ZFHX3: variants seen among roughly 807,000 people sequenced by gnomAD.
The protein encoded by ZFHX3 is zinc finger homeobox 3.
Under a neutral mutation model 279.1 loss-of-function variants are expected in ZFHX3, and 42 were observed. That is an observed-to-expected ratio of 0.15 (90% CI 0.12 to 0.19). The LOEUF (loss-of-function observed/expected upper bound fraction) is 0.19. Ranked by LOEUF, ZFHX3 falls within the 10% of genes least tolerant of loss-of-function variation. The probability of loss-of-function intolerance (pLI) is 1.00; values close to 1 mark genes in which losing one functional copy is unlikely to be tolerated. For missense variants in ZFHX3, 4,981 were observed against 4,754.0 expected (o/e 1.05, Z -1.40); for synonymous variants, 2,293 against 1,957.8 (o/e 1.17, Z -4.52).
intron 1 of ZFHX3, among the ~76,000 whole-genome samples, chr16:73,849,756 G>A (rs752619805): frequency 5.3e-5 from 8 of 152,060 alleles, no homozygotes; most frequent in Admixed American, 1.3e-4. Context: ...TTTTTGAGAC[G>A]GACTCTCGCT....
At chr16:73,376,382 A>G (rs2016723627) in intron 3 of ZFHX3, among the ~76,000 whole-genome samples, 1 of 152,096 alleles carries the variant, frequency 6.6e-6, no homozygotes, top group African/African-American at 2.4e-5. Flanking sequence ...GTTCTGGACC[A>G]TTTTCTCTCT....
chr16:73,150,766 T>A (rs1016651885), intron 5 of ZFHX3, among the ~76,000 whole-genome samples: 6 of 152,234 alleles, frequency 3.9e-5, no homozygotes, highest in Admixed American at 1.3e-4. Flanking sequence ...CCTGTATACA[T>A]CTTTGTATCT....
chr16:72,852,931 A>G (rs935795769), intron 4 of ZFHX3, among the ~76,000 whole-genome samples: 10 of 152,198 alleles, frequency 6.6e-5, no homozygotes, highest in African/African-American at 2.4e-4. Context: ...TCTGGATCCA[A>G]CTGGACAAGT....
At chr16:73,555,595 C>G (rs577317535) in intron 2 of ZFHX3, among the ~76,000 whole-genome samples, 32 of 152,024 alleles carry the variant, frequency 2.1e-4, no homozygotes, top group African/African-American at 6.5e-4. Context: ...CTTTGGTAGG[C>G]CAAGATGGGT....
chr16:72,793,125 G>A lies in ZFHX3; in HGVS notation c.9427+130C>T, dbSNP rs780676175. The A allele has an allele frequency of 4.4e-5, 64 of 1,463,016 alleles. No homozygotes were observed. Among genetic ancestry groups the A allele is most frequent in the Non-Finnish European group, 5.7e-5 (62 of 1,097,266 alleles). The allele number at this position is 1,463,016 out of a possible 1,614,324, so 90.6% of individuals were successfully genotyped here. On this transcript the variant is annotated intron_variant, in intron 9 of 9. Coordinates refer to ENST00000268489, the MANE Select transcript of ZFHX3 (RefSeq NM_006885.4). This position sits in a 1 kb window ranked among gnomAD's most constrained non-coding sequence, Gnocchi z 4.3. ...AACAGGAACGAACTGAAGTCTTGTTGCTTTTAAAGAACTAGAAAGGTAAGC... is the reference window on the plus strand; with the variant it reads ...AACAGGAACGAACTGAAGTCTTGTTACTTTTAAAGAACTAGAAAGGTAAGC...
In ZFHX3 at chr16:72,968,185, G is replaced by A. The variant is rs114163365; in HGVS notation, c.-49-7991C>T. 3.3e-3 allele frequency among the ~76,000 whole-genome samples: 507 copies of A among 151,632 alleles called. 2 individuals carry two copies. Among genetic ancestry groups the A allele is most frequent in the African/African-American group, 0.012 (491 of 41,306 alleles). On this transcript the variant is annotated intron_variant, in intron 1 of 9. Coordinates refer to ENST00000268489, the MANE Select transcript of ZFHX3 (RefSeq NM_006885.4). ...CTTCCCTGGTGTTCCTGTCAAAAAC[G>A]CACAACCGGAATCTAATCATGAGGG...
At chr16:73,422,902 G>C (rs556158386) in intron 3 of ZFHX3, among the ~76,000 whole-genome samples, 1 of 152,310 alleles carries the variant, frequency 6.6e-6, no homozygotes, top group African/African-American at 2.4e-5. Context: ...GAGAAAGAAG[G>C]CTACAGGTTC....
intron 2 of ZFHX3, among the ~76,000 whole-genome samples, chr16:73,471,630 T>C (rs886545477): frequency 6.6e-6 from 1 of 152,140 alleles, no homozygotes; most frequent in Non-Finnish European, 1.5e-5. Context: ...TCACTGCACA[T>C]CCAACTGACT....
chr16:73,584,587 T>C (rs1471885872), intron 2 of ZFHX3, among the ~76,000 whole-genome samples: 2 of 152,208 alleles, frequency 1.3e-5, no homozygotes, highest in African/African-American at 4.8e-5. Flanking sequence ...AGGGCATTAC[T>C]AAAGGAAAGT....
intron 1 of ZFHX3, among the ~76,000 whole-genome samples, chr16:73,708,863 G>A (rs375919373): frequency 2.6e-5 from 4 of 152,306 alleles, no homozygotes; most frequent in African/African-American, 9.6e-5. Flanking sequence ...GCTCTCGGAA[G>A]AATAGGAGAA....
At chr16:73,511,579 C>T (rs825830) in intron 2 of ZFHX3, among the ~76,000 whole-genome samples, 29,143 of 152,040 alleles carry the variant, frequency 0.19, 3,160 homozygotes, top group East Asian at 0.31. Context: ...TTTTTGAAAA[C>T]CTTGAAAAAA....
chr16:72,879,725 AAGG>A (rs2038412175), intron 4 of ZFHX3, among the ~76,000 whole-genome samples: 1 of 152,198 alleles, frequency 6.6e-6, no homozygotes, highest in African/African-American at 2.4e-5. Flanking sequence ...ATGCCCAGCT[AAGG>A]AGTTTTTATT....
intron 2 of ZFHX3, among the ~76,000 whole-genome samples, chr16:73,517,362 T>A (rs989504769): frequency 2.6e-5 from 4 of 152,232 alleles, no homozygotes; most frequent in Non-Finnish European, 5.9e-5. Flanking sequence ...TCTACCTTCA[T>A]ATTTTTCTCC....
At chr16:73,068,325 T>G (rs1297142014) in intron 8 of ZFHX3, among the ~76,000 whole-genome samples, 1 of 152,176 alleles carries the variant, frequency 6.6e-6, no homozygotes, top group Non-Finnish European at 1.5e-5. Context: ...GATAGATGTG[T>G]AGGGCAGATG....
intron 3 of ZFHX3, among the ~76,000 whole-genome samples, chr16:72,907,545 T>TGTGTGTGTGTGTGTGTG (rs2039208549): frequency 1.1e-4 from 13 of 120,480 alleles, no homozygotes; most frequent in Middle Eastern, 4.4e-3. Context: ...TTTCCTCTAT[T>TGTGTGTGTGTGTGTGTG]TGTGTGTGTG....
chr16:72,788,396 C>CGGCCTGCAG lies in ZFHX3; in HGVS notation c.9871_9879dup (p.Leu3291_Ala3293dup), dbSNP rs759488331. On this transcript the variant is annotated inframe_insertion, in exon 10 of 10. Coordinates refer to ENST00000268489, the MANE Select transcript of ZFHX3 (RefSeq NM_006885.4). ...AATGCTGTGGGGTCCGAAGTCAACG[C>CGGCCTGCAG]GGCCTGCAGGGCCTGCAGCTGTGCA... 1.2e-6 allele frequency: 2 copies of CGGCCTGCAG among 1,614,170 alleles called. No homozygotes were observed. Among genetic ancestry groups the CGGCCTGCAG allele is most frequent in the Admixed American group, 3.3e-5 (2 of 60,020 alleles).
intron 1 of ZFHX3, among the ~76,000 whole-genome samples, chr16:73,879,538 AT>A (rs2030074050): frequency 6.6e-6 from 1 of 152,032 alleles, no homozygotes; most frequent in African/African-American, 2.4e-5. Flanking sequence ...TAGGGTCACC[AT>A]TTTCCACTCT....
intron 1 of ZFHX3, among the ~76,000 whole-genome samples, chr16:73,711,844 G>GCT (rs2053366128): frequency 1.3e-5 from 2 of 152,162 alleles, no homozygotes; most frequent in Admixed American, 6.5e-5. Flanking sequence ...TCAGGAGAGA[G>GCT]CTCTCTCTCT....
At chr16:73,291,975 T>C (rs28420952) in intron 4 of ZFHX3, among the ~76,000 whole-genome samples, 5,546 of 152,252 alleles carry the variant, frequency 0.036, 326 homozygotes, top group African/African-American at 0.13. Flanking sequence ...GAGCTCTCTG[T>C]ACCTCTCCTC....
Sources: allele counts gnomAD v4.1 joint callset (sites outside exome capture counted in the v4.1 genomes callset), GRCh38; gene constraint gnomAD v4.1.1; non-coding constraint Gnocchi (gnomAD v3.1); transcripts MANE v1.5; gene names NCBI Gene and HGNC (gene_info 2026-07-23, HGNC 2026-07-21).